Variants in ZBTB20 observed in about 807,000 individuals in gnomAD.
The protein encoded by ZBTB20 is zinc finger and BTB domain containing 20.
ZBTB20 carries 9 observed loss-of-function variants against 56.9 expected under a neutral mutation model. The observed-to-expected ratio is 0.16, with a 90% CI of 0.10 to 0.28. ZBTB20 has a LOEUF of 0.28. ZBTB20 is among the 10% of genes least tolerant of loss of function. ZBTB20 has a pLI of 1.00. For missense variants in ZBTB20, 655 were observed against 1,003.0 expected (o/e 0.65, Z 4.69); for synonymous variants, 417 against 420.7 (o/e 0.99, Z 0.11).
chr3:114,813,716 A>T (rs551342771), intron 4 of ZBTB20, among the ~76,000 whole-genome samples: 1 of 152,316 alleles, frequency 6.6e-6, no homozygotes, highest in South Asian at 2.1e-4. Context: ...GCACCACTGC[A>T]CTCCAGCCTG....
intron 6 of ZBTB20, among the ~76,000 whole-genome samples, chr3:114,589,407 C>T (rs1412233239): frequency 6.6e-6 from 1 of 152,142 alleles, no homozygotes; most frequent in African/African-American, 2.4e-5. Context: ...CAGTCACACC[C>T]ATTTCTCATT....
intron 6 of ZBTB20, among the ~76,000 whole-genome samples, chr3:114,580,419 A>G (rs1045264752): frequency 1.3e-5 from 2 of 151,810 alleles, no homozygotes; most frequent in South Asian, 2.1e-4. Context: ...TTTCTAAAAC[A>G]TTTCCATTAA....
At chr3:114,553,831 A>G (rs951409501) in intron 6 of ZBTB20, among the ~76,000 whole-genome samples, 4 of 152,186 alleles carry the variant, frequency 2.6e-5, no homozygotes, top group African/African-American at 9.6e-5. Flanking sequence ...CTCCCATGCT[A>G]GGTTCTGCAA....
At chr3:114,699,358 G>T (rs1222095873) in intron 5 of ZBTB20, among the ~76,000 whole-genome samples, 1 of 152,042 alleles carries the variant, frequency 6.6e-6, no homozygotes, top group Non-Finnish European at 1.5e-5. Context: ...GGCAAGGCAG[G>T]TGGAGTTTTG....
At chr3:115,112,706 T>G (rs996681318) in intron 1 of ZBTB20, among the ~76,000 whole-genome samples, 4 of 152,212 alleles carry the variant, frequency 2.6e-5, no homozygotes, top group Non-Finnish European at 5.9e-5. Flanking sequence ...TGTCCACTGA[T>G]GGACACTTAG....
intron 6 of ZBTB20, among the ~76,000 whole-genome samples, chr3:114,505,351 C>T (rs1372544431): frequency 6.6e-6 from 1 of 151,962 alleles, no homozygotes; most frequent in Non-Finnish European, 1.5e-5. Flanking sequence ...TAACTCACAC[C>T]AAAATTGGTT....
chr3:114,581,898 C>T (rs1392196438), intron 6 of ZBTB20, among the ~76,000 whole-genome samples: 1 of 151,990 alleles, frequency 6.6e-6, no homozygotes, highest in Non-Finnish European at 1.5e-5. Context: ...TAAAGTTTAG[C>T]ATTTCTACTT....
intron 5 of ZBTB20, among the ~76,000 whole-genome samples, chr3:114,735,409 T>C (rs899796340): frequency 1.4e-4 from 21 of 152,138 alleles, no homozygotes; most frequent in African/African-American, 4.6e-4. Context: ...TTTCTGAATT[T>C]ATCAACTTGC....
At chr3:114,534,807 A>C (rs1324823175) in intron 6 of ZBTB20, among the ~76,000 whole-genome samples, 1 of 152,220 alleles carries the variant, frequency 6.6e-6, no homozygotes, top group Non-Finnish European at 1.5e-5. Flanking sequence ...ACCACAGTGC[A>C]ATCAAATTAG....
chr3:114,393,505 A>C (rs374471653), intron 7 of ZBTB20, among the ~76,000 whole-genome samples: 4 of 152,254 alleles, frequency 2.6e-5, no homozygotes, highest in African/African-American at 9.6e-5. Flanking sequence ...GCAAAGTGTC[A>C]CCTAGCTCCA....
intron 7 of ZBTB20, among the ~76,000 whole-genome samples, chr3:114,396,336 A>T (rs2086336787): frequency 6.6e-6 from 1 of 152,150 alleles, no homozygotes; most frequent in African/African-American, 2.4e-5. Flanking sequence ...TCCAGATAAC[A>T]CACTCTGTCA....
At chr3:114,486,373 T>C (rs1559857525) in intron 7 of ZBTB20, among the ~76,000 whole-genome samples, 4 of 151,952 alleles carry the variant, frequency 2.6e-5, no homozygotes, top group African/African-American at 7.3e-5. Context: ...TTTAAGTAAA[T>C]AGATAGTCTA....
At chr3:115,107,718 C>A (rs1345307701) in intron 1 of ZBTB20, among the ~76,000 whole-genome samples, 1 of 152,124 alleles carries the variant, frequency 6.6e-6, no homozygotes. Flanking sequence ...GCACTATTTA[C>A]AATAGCAGAC....
intron 3 of ZBTB20, among the ~76,000 whole-genome samples, chr3:114,924,883 T>G (rs2076093023): frequency 1.3e-5 from 2 of 151,998 alleles, no homozygotes; most frequent in Admixed American, 6.6e-5. Flanking sequence ...GTTCAATGAC[T>G]TTTCCTTCAA....
chr3:114,851,790 G>T (rs10048951), intron 4 of ZBTB20, among the ~76,000 whole-genome samples: 1 of 151,844 alleles, frequency 6.6e-6, no homozygotes. Flanking sequence ...TCCTGTAATA[G>T]TCATGTTTAA....
chr3:114,997,576 T>C (rs2079077795), intron 2 of ZBTB20, among the ~76,000 whole-genome samples: 1 of 150,222 alleles, frequency 6.7e-6, no homozygotes, highest in Admixed American at 6.6e-5. Context: ...AAAAAAAAAA[T>C]AGTGAAGGGC....
intron 7 of ZBTB20, among the ~76,000 whole-genome samples, chr3:114,452,906 A>C (rs1291899712): frequency 1.3e-5 from 2 of 152,138 alleles, no homozygotes; most frequent in African/African-American, 4.8e-5. Flanking sequence ...TTTCGTGTCT[A>C]TAATGTACCT....
At chr3:114,900,371 AAAT>A (rs536162568) in intron 3 of ZBTB20, 29 bp from the exon 4 acceptor site, 65 of 152,304 alleles carry the variant, frequency 4.3e-4, no homozygotes, top group African/African-American at 1.5e-3. Flanking sequence ...ATATAAGTAA[AAAT>A]TAATTTACTA....
At chr3:114,951,852 A>C (rs1394615653) in intron 3 of ZBTB20, among the ~76,000 whole-genome samples, 1 of 152,130 alleles carries the variant, frequency 6.6e-6, no homozygotes, top group Non-Finnish European at 1.5e-5. Context: ...TGTTTGACAA[A>C]AACTTTAAAT....
Sources: allele counts gnomAD v4.1 joint callset (sites outside exome capture counted in the v4.1 genomes callset), GRCh38; gene constraint gnomAD v4.1.1; transcripts MANE v1.5; gene names NCBI Gene and HGNC (gene_info 2026-07-23, HGNC 2026-07-21).